Variants in MAP2K1 observed in about 807,000 individuals in gnomAD.
The protein encoded by MAP2K1 is mitogen-activated protein kinase kinase 1.
MAP2K1 carries 16 observed loss-of-function variants against 46.3 expected under a neutral mutation model. The observed-to-expected ratio is 0.35, with a 90% CI of 0.23 to 0.52. The LOEUF is 0.52. MAP2K1 is among the 20% of genes least tolerant of loss of function. MAP2K1 has a pLI of 0.94. For missense variants in MAP2K1, 263 were observed against 497.1 expected (o/e 0.53, Z 4.48); for synonymous variants, 183 against 185.6 (o/e 0.99, Z 0.11).
intron 1 of MAP2K1, among the ~76,000 whole-genome samples, chr15:66,392,261 T>TTTTTTG (rs2093358149): frequency 9.2e-6 from 1 of 108,804 alleles, no homozygotes; most frequent in Non-Finnish European, 2.0e-5. Context: ...TTGGGTTTTT[T>TTTTTTG]TTTTTTTTTT....
intron 5 of MAP2K1, among the ~76,000 whole-genome samples, chr15:66,448,998 T>A (rs767875588): frequency 1.1e-5 from 1 of 92,356 alleles, no homozygotes; most frequent in Admixed American, 1.5e-4. Context: ...TGTGAGACAC[T>A]GTCTCAAAAA....
In MAP2K1 at chr15:66,389,364, T is replaced by C. The variant is rs560161274; in HGVS notation, c.80+1937T>C. Among the ~76,000 whole-genome samples the C allele has an allele frequency of 6.6e-5, 10 of 152,318 alleles. 2 individuals carry two copies. The highest frequency in any genetic ancestry group is 2.4e-4 in the African/African-American group (10 of 41,576). ...TTTGGAAGTGGATACTGAGTAGAAGTACCTGTTATCATTCTGTTGTAATCG... is the reference window on the plus strand; with the variant it reads ...TTTGGAAGTGGATACTGAGTAGAAGCACCTGTTATCATTCTGTTGTAATCG... On this transcript the variant is annotated intron_variant, in intron 1 of 10. Transcript: ENST00000307102.
At chr15:66,413,993 A>T (rs2093418343) in intron 1 of MAP2K1, among the ~76,000 whole-genome samples, 1 of 125,172 alleles carries the variant, frequency 8.0e-6, no homozygotes, top group Admixed American at 9.7e-5. Context: ...CCCTTTTGAT[A>T]TCCTCTGCAT....
intron 5 of MAP2K1, among the ~76,000 whole-genome samples, chr15:66,478,040 A>C (rs1454865604): frequency 1.3e-5 from 2 of 151,868 alleles, no homozygotes; most frequent in Non-Finnish European, 2.9e-5. Flanking sequence ...CTGTCCTAAC[A>C]CTAGGCCCAG....
chr15:66,391,496 G>A (rs942645810), intron 1 of MAP2K1, among the ~76,000 whole-genome samples: 2 of 152,122 alleles, frequency 1.3e-5, no homozygotes, highest in African/African-American at 4.8e-5. Flanking sequence ...CACCATGTTA[G>A]CCAGGATGGT....
At chr15:66,460,037 C>A (rs976456166) in intron 5 of MAP2K1, among the ~76,000 whole-genome samples, 1 of 152,198 alleles carries the variant, frequency 6.6e-6, no homozygotes, top group Non-Finnish European at 1.5e-5. Flanking sequence ...CCTTGAAACA[C>A]AGAAGGTTGC....
intron 4 of MAP2K1, 21 bp from the exon 5 acceptor site, chr15:66,444,635 T>A (rs894277777): frequency 6.4e-7 from 1 of 1,570,530 alleles, no homozygotes; most frequent in Non-Finnish European, 8.8e-7. Context: ...TTTCTTTTCT[T>A]TTACATTCCC....
intron 1 of MAP2K1, among the ~76,000 whole-genome samples, chr15:66,388,031 G>A (rs1458295020): frequency 6.6e-6 from 1 of 152,122 alleles, no homozygotes; most frequent in African/African-American, 2.4e-5. Flanking sequence ...TCAAGAAAGC[G>A]GCTTTCTTCT....
At chr15:66,470,550 A>C (rs1384408004) in intron 5 of MAP2K1, among the ~76,000 whole-genome samples, 1 of 152,206 alleles carries the variant, frequency 6.6e-6, no homozygotes, top group African/African-American at 2.4e-5. Context: ...CTCAGAAACA[A>C]AAAAGGAGTT....
At chr15:66,390,900 T>TA (rs927581454) in intron 1 of MAP2K1, among the ~76,000 whole-genome samples, 5 of 152,134 alleles carry the variant, frequency 3.3e-5, no homozygotes, top group Non-Finnish European at 7.3e-5. Context: ...CAGGCCTCTG[T>TA]ACATGCTGTT....
Position 66,489,885 on chromosome 15 carries a change from T to C in MAP2K1, c.1068+122T>C, listed in dbSNP as rs1222373111. On this transcript the variant is annotated intron_variant, in intron 10 of 10. Coordinates refer to ENST00000307102, the MANE Select transcript of MAP2K1 (RefSeq NM_002755.4). ...CTGCCCACTGTGGTCCAGCTGAGCCTGGGGCTGCAGAATACCAAACACCAG... is the reference window on the plus strand; with the variant it reads ...CTGCCCACTGTGGTCCAGCTGAGCCCGGGGCTGCAGAATACCAAACACCAG... The C allele has an allele frequency of 4.6e-6, 4 of 877,744 alleles. No individual in the cohort carries two copies. The East Asian group carries it at 7.3e-5, about 16-fold the overall frequency. 54.4% of individuals were successfully genotyped at this position (877,744 alleles called of 1,614,324 possible). A position where few individuals can be genotyped will look rare whatever the true frequency, so the allele number is the denominator to read the frequency against.
intron 1 of MAP2K1, among the ~76,000 whole-genome samples, chr15:66,421,063 C>T (rs12910550): frequency 7.0e-6 from 1 of 142,406 alleles, no homozygotes; most frequent in Admixed American, 7.5e-5. Flanking sequence ...TACACACATA[C>T]ACACACACAT....
At chr15:66,421,147 T>C (rs2140556633) in intron 1 of MAP2K1, among the ~76,000 whole-genome samples, 1 of 151,352 alleles carries the variant, frequency 6.6e-6, no homozygotes, top group East Asian at 1.9e-4. Context: ...TATAAATTTT[T>C]TTTTCTGAAA....
intron 1 of MAP2K1, among the ~76,000 whole-genome samples, chr15:66,392,248 T>C: frequency 1.5e-5 from 1 of 65,806 alleles, no homozygotes; most frequent in East Asian, 4.4e-4. Context: ...TTGTGTGTTT[T>C]TTTTGGGTTT....
At position 66,488,844 on chromosome 15, in the gene MAP2K1, T is replaced by C. The variant is rs1269856781; in HGVS notation, c.961-371T>C. 3 of 323,776 alleles carry C rather than the reference T, an allele frequency of 9.3e-6. No homozygotes were observed. In the South Asian group the frequency reaches 9.7e-5, roughly 10 times the overall value. The allele number at this position is 323,776 out of a possible 1,614,324, so 20.1% of individuals were successfully genotyped here. ...CCATGCCGCACTCCAAGATTTACCA[T>C]TGTAGAGTGTCAGAGCTTGAAAGGG... is the stretch of plus-strand genomic sequence containing the variant. On this transcript the variant is annotated intron_variant, in intron 8 of 10. Coordinates refer to ENST00000307102, the MANE Select transcript of MAP2K1 (RefSeq NM_002755.4).
chr15:66,420,879 ATATG>A lies in MAP2K1; in HGVS notation c.81-14146_81-14143del, dbSNP rs1351880922. ...TGTGTGTATATATATGTGTGTATAT[ATATG>A]TGTATATATACACATACATACATAC... On this transcript the variant is annotated intron_variant, in intron 1 of 10. Coordinates refer to ENST00000307102, the MANE Select transcript of MAP2K1 (RefSeq NM_002755.4). Among the ~76,000 whole-genome samples the A allele has an allele frequency of 1.1e-4, 14 of 133,018 alleles. 1 individual carries two copies. The highest frequency in any genetic ancestry group is 3.3e-4 in the African/African-American group (12 of 36,106). 87.3% of individuals were successfully genotyped at this position (133,018 alleles called of 152,430 possible). A position where few individuals can be genotyped will look rare whatever the true frequency, so the allele number is the denominator to read the frequency against.
intron 1 of MAP2K1, among the ~76,000 whole-genome samples, chr15:66,420,301 T>G (rs2093434816): frequency 6.6e-6 from 1 of 151,600 alleles, no homozygotes; most frequent in South Asian, 2.1e-4. Flanking sequence ...GCACAGTGGC[T>G]CACACCTGTA....
intron 3 of MAP2K1, among the ~76,000 whole-genome samples, chr15:66,439,637 ATG>A (rs2093498138): frequency 6.6e-6 from 1 of 152,146 alleles, no homozygotes; most frequent in South Asian, 2.1e-4. Context: ...GTGGTGGCAC[ATG>A]CCTGTAATCC....
At chr15:66,469,129 G>A (rs537996322) in intron 5 of MAP2K1, among the ~76,000 whole-genome samples, 5 of 151,470 alleles carry the variant, frequency 3.3e-5, no homozygotes, top group South Asian at 2.1e-4. Flanking sequence ...GGTGGCAGGC[G>A]CCTGTAACCC....
Sources: gnomAD v4.1 joint callset for allele counts (sites outside exome capture counted in the v4.1 genomes callset) on GRCh38, gnomAD v4.1.1 for gene constraint, MANE v1.5 for transcripts, NCBI Gene and HGNC (gene_info 2026-07-23, HGNC 2026-07-21) for gene names.